Variants in DLG5 observed in about 807,000 individuals in gnomAD.
The protein encoded by DLG5 is disks large homolog 5.
In DLG5, 48 loss-of-function variants were observed where a neutral mutation model predicts 189.8. The ratio of observed to expected loss-of-function variants is 0.25; its 90% CI spans 0.20 to 0.32. The LOEUF (loss-of-function observed/expected upper bound fraction) is 0.32, where lower values mean the gene tolerates loss of function less well. Among genes scored for constraint, DLG5 ranks in the 10% least tolerant of loss-of-function variants. The pLI is 1.00. For synonymous variants in DLG5, 1,016 were observed against 1,054.1 expected (o/e 0.96, Z 0.70); for missense variants, 2,160 against 2,544.7 (o/e 0.85, Z 3.25).
chr10:77,826,252 T>A (rs1401137154), intron 13 of DLG5, among the ~76,000 whole-genome samples: 3 of 152,190 alleles, frequency 2.0e-5, no homozygotes, highest in Non-Finnish European at 4.4e-5. Flanking sequence ...GCCCAGACTA[T>A]CCCTCGGGAG....
chr10:77,895,625 C>T (rs1161890027), intron 1 of DLG5, among the ~76,000 whole-genome samples: 1 of 152,200 alleles, frequency 6.6e-6, no homozygotes, highest in Admixed American at 6.5e-5. Context: ...GTTCAGACCA[C>T]AGATTCTGTA....
rs1170260286 is a variant in DLG5 at position 77,824,392 on chromosome 10, G to A, written c.2374C>T (p.Leu792Phe). 1 of 1,612,414 alleles carries A rather than the reference G, an allele frequency of 6.2e-7. No homozygotes were observed. Among genetic ancestry groups the A allele is most frequent in the Non-Finnish European group, 8.5e-7 (1 of 1,178,654 alleles). ...CCAGGTCCAGCCCTTACCTTCAGGA[G>A]GGACAGGGTCAGGGAGTCCTGGCAG... is the stretch of plus-strand genomic sequence containing the variant. ...RSCQDSLTLS[L>F]LKVFPQSSSW... The change falls in exon 14 of 32, where the codon CTC (leucine) becomes TTC (phenylalanine). Residue 792 changes from leucine (L) to phenylalanine (F), a missense_variant. Leu to Phe is a conservative substitution (Grantham distance 22). Transcript: ENST00000372391.
At chr10:77,929,001 C>T (rs755564995), upstream of DLG5, 2 of 151,866 alleles carry the variant, frequency 1.3e-5, no homozygotes, top group Non-Finnish European at 2.9e-5. Context: ...GCACTCCAGG[C>T]TGGGTGACCG....
chr10:77,819,550 A>G, intron 16 of DLG5, 85 bp from the exon 17 acceptor site: 2 of 1,488,414 alleles, frequency 1.3e-6, no homozygotes, highest in Non-Finnish European at 1.8e-6. Context: ...GTATCCCAGG[A>G]CGCAGCCGCA....
In DLG5 at chr10:77,794,803, C is replaced by A. The variant is rs757404718; in HGVS notation, c.5546+46G>T. The A allele has an allele frequency of 2.6e-6, 4 of 1,543,064 alleles. No individual in the cohort carries two copies. The Admixed American group carries it at 6.8e-5, about 26-fold the overall frequency. On this transcript the variant is annotated intron_variant, in intron 30 of 31. Transcript: ENST00000372391. ...TGCTCCCTACTTGGGCTCCCAGCCC[C>A]ACCTGTGACAAGGCCCCAGCGGAGC...
chr10:77,918,542 T>C (rs1248892), intron 1 of DLG5, among the ~76,000 whole-genome samples: 47,228 of 152,042 alleles, frequency 0.31, 7,935 homozygotes, highest in Admixed American at 0.44. Context: ...AGGAATTATC[T>C]ACCAAGGGTT....
chr10:77,874,797 G>C (rs1845033537), intron 1 of DLG5, among the ~76,000 whole-genome samples: 1 of 152,192 alleles, frequency 6.6e-6, no homozygotes, highest in East Asian at 1.9e-4. Flanking sequence ...CTAAGTGTTA[G>C]CTGGTGTTAT....
intron 5 of DLG5, among the ~76,000 whole-genome samples, chr10:77,843,917 T>A (rs1267702904): frequency 6.6e-6 from 1 of 152,136 alleles, no homozygotes; most frequent in East Asian, 1.9e-4. Context: ...CAGTCACAAC[T>A]ATTTACTAAG....
chr10:77,819,264 T>C, intron 17 of DLG5, 57 bp downstream of exon 17: 9 of 1,611,780 alleles, frequency 5.6e-6, no homozygotes, highest in Middle Eastern at 1.7e-4. Context: ...CATGGTTCCA[T>C]GTCCAGGCAG....
At chr10:77,899,847 T>C (rs1845872634) in intron 1 of DLG5, among the ~76,000 whole-genome samples, 1 of 152,116 alleles carries the variant, frequency 6.6e-6, no homozygotes, top group South Asian at 2.1e-4. Flanking sequence ...AGAGGAAGGC[T>C]CTTCTCACTC....
chr10:77,866,393 G>C (rs1393740976), intron 2 of DLG5, among the ~76,000 whole-genome samples: 1 of 152,284 alleles, frequency 6.6e-6, no homozygotes, highest in African/African-American at 2.4e-5. Flanking sequence ...GTGGTCCAGC[G>C]ACCAGGCTTT....
chr10:77,843,536 G>A lies in DLG5; in HGVS notation c.1035C>T (p.Asn345=). ...LSRLEQLGEE[N]QRLLKQTEML... ...TCTCTGTCTGCTTCAGCAACCGCTG[G>A]TTCTCCTCCCCCAGCTGCTCCAGGC... The change falls in exon 6 of 32, where the codon AAC becomes AAT. Residue 345 remains asparagine (N), a synonymous_variant. Transcript: ENST00000372391. 1.2e-6 allele frequency: 2 copies of A among 1,614,162 alleles called. No individual in the cohort carries two copies. The highest frequency in any genetic ancestry group is 1.7e-6 in the Non-Finnish European group (2 of 1,180,032).
intron 9 of DLG5, among the ~76,000 whole-genome samples, chr10:77,831,718 G>A (rs1331830955): frequency 2.0e-5 from 3 of 152,174 alleles, no homozygotes; most frequent in South Asian, 4.1e-4. Flanking sequence ...ATGCTGGAGC[G>A]ACTGCACATC....
rs145526503 is a variant in DLG5, at chr10:77,867,074, T to C, written c.373+2055A>G. The C allele has an allele frequency of 7.0e-4, 322 of 456,950 alleles. 1 individual carries two copies. The highest frequency in any genetic ancestry group is 5.8e-3 in the African/African-American group (293 of 50,206). The allele number at this position is 456,950 out of a possible 1,614,324, so 28.3% of individuals were successfully genotyped here. A position where few individuals can be genotyped will look rare whatever the true frequency, so the allele number is the denominator to read the frequency against. On this transcript the variant is annotated intron_variant, in intron 2 of 31. Coordinates refer to ENST00000372391, the MANE Select transcript of DLG5 (RefSeq NM_004747.4). Reference sequence around the variant, plus strand: ...CCCAGGAAGAGCACAGAGATACTGTTGACGGCTCCATCGCAAGGACTGAGT... The same window carrying C: ...CCCAGGAAGAGCACAGAGATACTGTCGACGGCTCCATCGCAAGGACTGAGT...
intron 1 of DLG5, among the ~76,000 whole-genome samples, chr10:77,919,584 CTTT>C (rs71030919): frequency 4.4e-4 from 30 of 67,726 alleles, no homozygotes; most frequent in African/African-American, 8.7e-4. Context: ...CAGTTCAGGG[CTTT>C]TTTTTTTTTT....
In DLG5 at chr10:77,837,214, C is replaced by CA. The variant is rs10531052; in HGVS notation, c.1438-1293dup. On this transcript the variant is annotated intron_variant, in intron 7 of 31. Coordinates refer to ENST00000372391, the MANE Select transcript of DLG5 (RefSeq NM_004747.4). ...TGGACAACAGAGGGAGACTCGGTCT[C>CA]AAAAAAAAAAAAAAAAAAAAAAAAA... 5.9e-3 allele frequency among the ~76,000 whole-genome samples: 414 copies of CA among 69,686 alleles called. 34 individuals are homozygous for CA. Among genetic ancestry groups the CA allele is most frequent in the Non-Finnish European group, 6.8e-3 (256 of 37,674 alleles). The allele number at this position is 69,686 out of a possible 152,430, so 45.7% of individuals were successfully genotyped here.
intron 24 of DLG5, 165 bp from the exon 25 acceptor site, chr10:77,808,109 C>T (rs988272236): frequency 3.5e-5 from 30 of 850,882 alleles, no homozygotes; most frequent in Non-Finnish European, 4.8e-5. Flanking sequence ...CATGGTCTCC[C>T]CAGTCTCCAG....
chr10:77,839,833 G>A (rs530375165), intron 7 of DLG5, among the ~76,000 whole-genome samples: 2 of 151,740 alleles, frequency 1.3e-5, no homozygotes, highest in Non-Finnish European at 2.9e-5. Context: ...CTTCACACTG[G>A]CTTTTGCCTC....
At chr10:77,879,535 CA>C (rs2154577333) in intron 1 of DLG5, among the ~76,000 whole-genome samples, 1 of 151,994 alleles carries the variant, frequency 6.6e-6, no homozygotes, top group African/African-American at 2.4e-5. Context: ...AGTCAGACAG[CA>C]AACTCGCAAG....
Sources: allele counts gnomAD v4.1 joint callset (sites outside exome capture counted in the v4.1 genomes callset), GRCh38; gene constraint gnomAD v4.1.1; transcripts MANE v1.5; gene names NCBI Gene and HGNC (gene_info 2026-07-23, HGNC 2026-07-21).